SCFD1: variants seen among roughly 807,000 people sequenced by gnomAD.
SCFD1 encodes the protein sec1 family domain-containing protein 1.
Under a neutral mutation model 103.2 loss-of-function variants are expected in SCFD1, and 37 were observed. The ratio of observed to expected loss-of-function variants is 0.36; its 90% CI spans 0.28 to 0.47. The LOEUF is 0.47. Among genes scored for constraint, SCFD1 ranks in the 20% least tolerant of loss-of-function variants. SCFD1 has a pLI of 1.00. For missense variants in SCFD1, 639 were observed against 761.2 expected, an observed-to-expected ratio of 0.84 and a Z score of 1.89; for synonymous variants, 264 against 245.0, an observed-to-expected ratio of 1.08 and a Z score of -0.73.
intron 23 of SCFD1, among the ~76,000 whole-genome samples, chr14:30,729,610 T>C (rs1385884246): frequency 6.6e-6 from 1 of 152,194 alleles, no homozygotes; most frequent in Non-Finnish European, 1.5e-5. Flanking sequence ...TAGTATGTTT[T>C]TGAAATCAGG....
intron 23 of SCFD1, among the ~76,000 whole-genome samples, chr14:30,724,247 T>G (rs1257688409): frequency 1.6e-5 from 1 of 64,372 alleles, no homozygotes; most frequent in East Asian, 8.4e-4. Flanking sequence ...TTTTATGGGT[T>G]TTTTTTTTTT....
At chr14:30,651,814 A>G (rs776099579) in intron 9 of SCFD1, among the ~76,000 whole-genome samples, 4 of 152,026 alleles carry the variant, frequency 2.6e-5, no homozygotes, top group Non-Finnish European at 4.4e-5. Flanking sequence ...TTTGAATCCA[A>G]CCATAGGCTG....
chr14:30,686,142 GA>G (rs1194348147), intron 14 of SCFD1, among the ~76,000 whole-genome samples: 2 of 10,638 alleles, frequency 1.9e-4, no homozygotes, highest in Non-Finnish European at 2.4e-4. Context: ...CATTATTTCT[GA>G]GGGCTCTGTT....
At chr14:30,704,119 C>T (rs960368999) in intron 17 of SCFD1, among the ~76,000 whole-genome samples, 2 of 151,574 alleles carry the variant, frequency 1.3e-5, no homozygotes, top group Non-Finnish European at 2.9e-5. Context: ...CTCATTGTGG[C>T]ATCATGTCTG....
chr14:30,709,996 C>T (rs1891752967), intron 19 of SCFD1, among the ~76,000 whole-genome samples: 1 of 152,094 alleles, frequency 6.6e-6, no homozygotes, highest in African/African-American at 2.4e-5. Context: ...TTAGAAATTA[C>T]AGACTTTAAC....
intron 19 of SCFD1, among the ~76,000 whole-genome samples, chr14:30,710,950 C>A (rs1891827560): frequency 6.6e-6 from 1 of 152,160 alleles, no homozygotes; most frequent in African/African-American, 2.4e-5. Context: ...TAACTACATC[C>A]AGTTTTCTAG....
At chr14:30,625,606 TATAGGTATA>T (rs1883318545) in intron 1 of SCFD1, among the ~76,000 whole-genome samples, 5 of 66,758 alleles carry the variant, frequency 7.5e-5, no homozygotes, top group South Asian at 8.6e-4. Context: ...TTGTTATAGG[TATAGGTATA>T]CCTATATAGG....
intron 1 of SCFD1, among the ~76,000 whole-genome samples, chr14:30,624,049 AAGAT>A (rs900630684): frequency 3.3e-5 from 5 of 152,330 alleles, no homozygotes; most frequent in Admixed American, 6.5e-5. Flanking sequence ...TGAGGAAAGT[AAGAT>A]AGAGGTAAAC....
Position 30,673,908 on chromosome 14 carries a change from C to A in SCFD1, c.1087-16C>A. On this transcript the variant is annotated splice_polypyrimidine_tract_variant and intron_variant, in intron 12 of 24. Transcript: ENST00000458591. ...GGGATTTTTGAGTAGCTATTGAGACCTTTTTTCTTTACAAGGGACTAGAAG... is the reference window on the plus strand; with the variant it reads ...GGGATTTTTGAGTAGCTATTGAGACATTTTTTCTTTACAAGGGACTAGAAG... 6.2e-7 allele frequency: 1 copy of A among 1,603,368 alleles called. No individual in the cohort carries two copies. The highest frequency in any genetic ancestry group is 8.5e-7 in the Non-Finnish European group (1 of 1,170,614).
At chr14:30,641,363 A>G (rs1265657755) in intron 6 of SCFD1, among the ~76,000 whole-genome samples, 1 of 152,130 alleles carries the variant, frequency 6.6e-6, no homozygotes, top group African/African-American at 2.4e-5. Flanking sequence ...TCTCAAGTTG[A>G]GGTTATTGAT....
At chr14:30,683,094 T>A in intron 14 of SCFD1, 2 of 1,336,084 alleles carry the variant, frequency 1.5e-6, no homozygotes. Context: ...TTGCAGATAC[T>A]TCTTAAAAGC....
intron 19 of SCFD1, among the ~76,000 whole-genome samples, chr14:30,710,212 TTGCAAATAACATACCACTTTGACA>T (rs1219624570): frequency 2.6e-4 from 40 of 151,960 alleles, no homozygotes; most frequent in South Asian, 1.2e-3. Context: ...TTTTTTAATA[TTGCAAATAACATACCACTTTGACA>T]TAGGCAGTTT....
chr14:30,701,016 A>G (rs976437812), intron 16 of SCFD1, among the ~76,000 whole-genome samples: 1 of 152,188 alleles, frequency 6.6e-6, no homozygotes, highest in Non-Finnish European at 1.5e-5. Flanking sequence ...GAGACTGTTG[A>G]CTTTAATGTT....
intron 14 of SCFD1, among the ~76,000 whole-genome samples, chr14:30,678,849 G>A (rs1044054743): frequency 5.9e-5 from 9 of 152,068 alleles, no homozygotes; most frequent in Non-Finnish European, 1.0e-4. Flanking sequence ...AATTGTTACT[G>A]GATCCTCATT....
intron 4 of SCFD1, among the ~76,000 whole-genome samples, chr14:30,636,679 CT>C (rs1884757118): frequency 2.0e-5 from 3 of 151,988 alleles, no homozygotes; most frequent in Admixed American, 2.0e-4. Flanking sequence ...CAACTTTGTA[CT>C]TTTTTTCAGA....
intron 1 of SCFD1, among the ~76,000 whole-genome samples, chr14:30,626,088 A>T (rs1883409955): frequency 3.3e-5 from 5 of 152,068 alleles, no homozygotes. Context: ...GGGAGAGTTA[A>T]TCCTGAAACC....
intron 10 of SCFD1, among the ~76,000 whole-genome samples, chr14:30,669,069 T>A (rs1212579438): frequency 6.6e-6 from 1 of 151,716 alleles, no homozygotes; most frequent in Non-Finnish European, 1.5e-5. Flanking sequence ...ACATCTGTAA[T>A]TTTTCAAATC....
intron 9 of SCFD1, among the ~76,000 whole-genome samples, chr14:30,650,885 G>A (rs576708669): frequency 2.6e-5 from 4 of 152,090 alleles, no homozygotes; most frequent in Admixed American, 1.3e-4. Context: ...AAATTTTTCT[G>A]TGTATAAGGC....
intron 7 of SCFD1, among the ~76,000 whole-genome samples, chr14:30,644,467 CA>C (rs891168009): frequency 2.3e-4 from 35 of 152,320 alleles, no homozygotes; most frequent in African/African-American, 7.9e-4. Flanking sequence ...TTCCTACCAA[CA>C]GCGTATAAGT....
Sources: gnomAD v4.1 joint callset for allele counts (sites outside exome capture counted in the v4.1 genomes callset) on GRCh38, gnomAD v4.1.1 for gene constraint, MANE v1.5 for transcripts, NCBI Gene and HGNC (gene_info 2026-07-23, HGNC 2026-07-21) for gene names.